CPE: variants seen among roughly 807,000 people sequenced by gnomAD.
CPE encodes the protein carbocypeptidase E.
In CPE, 17 loss-of-function variants were observed where a neutral mutation model predicts 53.5. That is an observed-to-expected ratio of 0.32 (90% CI 0.22 to 0.48). The LOEUF is 0.48. Among genes scored for constraint, CPE ranks in the 20% least tolerant of loss-of-function variants. The probability of loss-of-function intolerance (pLI) is 0.99; values close to 1 mark genes in which losing one functional copy is unlikely to be tolerated. For synonymous variants in CPE, 226 were observed against 228.8 expected (o/e 0.99, Z 0.11); for missense variants, 524 against 614.7 (o/e 0.85, Z 1.56).
intron 1 of CPE, among the ~76,000 whole-genome samples, chr4:165,381,971 C>T (rs1343667097): frequency 6.6e-6 from 1 of 152,226 alleles, no homozygotes; most frequent in East Asian, 1.9e-4. Flanking sequence ...TGTGCCTCTG[C>T]ACAACCCATA....
intron 1 of CPE, among the ~76,000 whole-genome samples, chr4:165,461,553 A>G (rs1732006411): frequency 6.6e-6 from 1 of 152,130 alleles, no homozygotes; most frequent in African/African-American, 2.4e-5. Context: ...AAAGAGCTGG[A>G]GAGAGGCCAG....
intron 1 of CPE, among the ~76,000 whole-genome samples, chr4:165,383,693 A>G (rs1295227606): frequency 1.3e-5 from 2 of 152,242 alleles, no homozygotes; most frequent in East Asian, 3.8e-4. Flanking sequence ...GTGATGGAAC[A>G]TTTAATGCTG....
rs10718543 is a variant in CPE, at chr4:165,459,914, CAAAAAAAA to C, written c.308-4461_308-4454del. On this transcript the variant is annotated intron_variant, in intron 1 of 8. Transcript: ENST00000402744. ...TGGGCAACAGAGTGAGACTCTGTCT[CAAAAAAAA>C]AAAAAAAAAAAAAAGGAAAATGAAT... 2.2e-4 allele frequency among the ~76,000 whole-genome samples: 17 copies of C among 78,722 alleles called. 1 individual carries two copies. In the South Asian group the frequency reaches 7.1e-3, roughly 33 times the overall value. 51.6% of individuals were successfully genotyped at this position (78,722 alleles called of 152,430 possible).
intron 3 of CPE, among the ~76,000 whole-genome samples, chr4:165,476,885 C>A: frequency 6.6e-6 from 1 of 152,150 alleles, no homozygotes; most frequent in East Asian, 1.9e-4. Flanking sequence ...AGAGGGGGAG[C>A]CAGAAAGGCG....
intron 1 of CPE, among the ~76,000 whole-genome samples, chr4:165,410,708 A>G (rs1406455028): frequency 6.6e-6 from 1 of 152,240 alleles, no homozygotes; most frequent in African/African-American, 2.4e-5. Context: ...TTTAAATATT[A>G]ATATCTAACT....
At chr4:165,426,919 A>C (rs1185635013) in intron 1 of CPE, among the ~76,000 whole-genome samples, 3 of 152,200 alleles carry the variant, frequency 2.0e-5, no homozygotes, top group Non-Finnish European at 4.4e-5. Flanking sequence ...GCGGGCCTGA[A>C]AGAGAGTTGC....
chr4:165,454,612 A>G (rs1346630805), intron 1 of CPE, among the ~76,000 whole-genome samples: 1 of 152,182 alleles, frequency 6.6e-6, no homozygotes, highest in Non-Finnish European at 1.5e-5. Context: ...ACAGGTTCTG[A>G]TGACATTACT....
chr4:165,410,983 G>A (rs17624977), intron 1 of CPE, among the ~76,000 whole-genome samples: 1 of 151,818 alleles, frequency 6.6e-6, no homozygotes, highest in Non-Finnish European at 1.5e-5. Context: ...TAGATAAATC[G>A]AAGACCAGAG....
intron 1 of CPE, among the ~76,000 whole-genome samples, chr4:165,413,493 T>A (rs1304864597): frequency 6.6e-6 from 1 of 152,214 alleles, no homozygotes; most frequent in Non-Finnish European, 1.5e-5. Context: ...AAACATAGTA[T>A]GATGGAGAAT....
chr4:165,482,905 A>T (rs73860790), intron 4 of CPE, among the ~76,000 whole-genome samples: 7,073 of 152,240 alleles, frequency 0.046, 512 homozygotes, highest in African/African-American at 0.16. Context: ...GATATTTTCA[A>T]ATTGTTTTTT....
At chr4:165,431,932 G>A (rs1731415632) in intron 1 of CPE, among the ~76,000 whole-genome samples, 1 of 151,918 alleles carries the variant, frequency 6.6e-6, no homozygotes, top group Non-Finnish European at 1.5e-5. Context: ...AGAGATGAGT[G>A]TAGTAGATGG....
At chr4:165,453,997 C>G (rs1254495765) in intron 1 of CPE, among the ~76,000 whole-genome samples, 1 of 151,966 alleles carries the variant, frequency 6.6e-6, no homozygotes, top group Non-Finnish European at 1.5e-5. Context: ...TACAAATACC[C>G]CATACACAGT....
intron 1 of CPE, among the ~76,000 whole-genome samples, chr4:165,445,423 A>T (rs1731695248): frequency 6.6e-6 from 1 of 152,018 alleles, no homozygotes; most frequent in South Asian, 2.1e-4. Flanking sequence ...AGCTTTTAAA[A>T]TTTCTACTCC....
At chr4:165,492,993 A>G (rs1299814801) in intron 6 of CPE, among the ~76,000 whole-genome samples, 178 bp from the exon 7 acceptor site, 2 of 152,210 alleles carry the variant, frequency 1.3e-5, no homozygotes, top group Non-Finnish European at 2.9e-5. Context: ...TTTAGGGAAA[A>G]GCAGAATAAA....
chr4:165,445,156 C>A (rs1731684147), intron 1 of CPE, among the ~76,000 whole-genome samples: 1 of 152,046 alleles, frequency 6.6e-6, no homozygotes, highest in South Asian at 2.1e-4. Flanking sequence ...AGGTTTTGCC[C>A]TGTTGGCTGG....
intron 1 of CPE, among the ~76,000 whole-genome samples, chr4:165,433,076 A>G (rs1731439423): frequency 1.3e-5 from 2 of 152,226 alleles, no homozygotes; most frequent in South Asian, 2.1e-4. Flanking sequence ...ATAAAATAGA[A>G]TAAGTGTTTC....
intron 3 of CPE, among the ~76,000 whole-genome samples, chr4:165,480,012 A>G (rs920000706): frequency 1.3e-5 from 2 of 151,656 alleles, no homozygotes; most frequent in Non-Finnish European, 2.9e-5. Context: ...AAAAAAAGCT[A>G]TGCATTTCAA....
At chr4:165,468,856 G>A (rs1732151776) in intron 3 of CPE, among the ~76,000 whole-genome samples, 1 of 152,162 alleles carries the variant, frequency 6.6e-6, no homozygotes, top group South Asian at 2.1e-4. Flanking sequence ...CCACTGCCCA[G>A]AAGATAAAGT....
At chr4:165,408,692 C>G (rs989570842) in intron 1 of CPE, among the ~76,000 whole-genome samples, 8 of 152,174 alleles carry the variant, frequency 5.3e-5, no homozygotes, top group African/African-American at 1.4e-4. Context: ...TTCAGTAGGT[C>G]TGAGGTAGGG....
Sources: gnomAD v4.1 joint callset for allele counts (sites outside exome capture counted in the v4.1 genomes callset) on GRCh38, gnomAD v4.1.1 for gene constraint, MANE v1.5 for transcripts, NCBI Gene and HGNC (gene_info 2026-07-23, HGNC 2026-07-21) for gene names.